Variants in LIPF observed in about 807,000 individuals in gnomAD.
LIPF encodes the protein lipase F, gastric type.
Under a neutral mutation model 38.0 loss-of-function variants are expected in LIPF, and 25 were observed. That is an observed-to-expected ratio of 0.66 (90% confidence interval 0.48 to 0.92). The LOEUF is 0.92. LIPF is among the 40% of genes least tolerant of loss of function. The probability of loss-of-function intolerance (pLI) is 0.00; values close to 1 mark genes in which losing one functional copy is unlikely to be tolerated. For synonymous variants in LIPF, 161 were observed against 156.2 expected (o/e 1.03, Z -0.23); for missense variants, 410 against 469.9 (o/e 0.87, Z 1.18).
In LIPF at chr10:88,671,936, CTT is replaced by C; in HGVS notation, c.641_642del (p.Leu214GlnfsTer14). The C allele has an allele frequency of 6.2e-7, 1 of 1,611,778 alleles. No homozygotes were observed. Among genetic ancestry groups the C allele is most frequent in the African/African-American group, 1.3e-5 (1 of 74,960 alleles). ...GTATACAAAAAGCCTTATAAACAAACTTAGATTTGTTCCTCAATCCCTCTTCA... is the reference window on the plus strand; with the variant it reads ...GTATACAAAAAGCCTTATAAACAAACAGATTTGTTCCTCAATCCCTCTTCA... Reference protein sequence around the residue: ...VKYTKSLINKLRFVPQSLFKF... With the variant: ...VKYTKSLINKXRFVPQSLFKF... On this transcript the variant is annotated frameshift_variant, in exon 6 of 10. Coordinates refer to ENST00000238983, the MANE Select transcript of LIPF (RefSeq NM_004190.4). LOFTEE classifies it high-confidence loss of function.
rs1841684621 is a variant in LIPF at position 88,676,248 on chromosome 10, A to T, written c.928A>T (p.Ser310Cys). ...GAAATTCCAAGCTTATGACTGGGGA[A>T]GCCCAGTTCAGAATAGGATGCACTA... is the stretch of plus-strand genomic sequence containing the variant. Reference protein sequence around the residue: ...SGKFQAYDWGSPVQNRMHYDQ... With the variant: ...SGKFQAYDWGCPVQNRMHYDQ... The change falls in exon 9 of 10, where the codon AGC becomes TGC. Residue 310 changes from serine (S) to cysteine (C), a missense_variant. Coordinates refer to ENST00000238983, the MANE Select transcript of LIPF (RefSeq NM_004190.4). 6.2e-7 allele frequency: 1 copy of T among 1,609,434 alleles called. No homozygotes were observed. Among genetic ancestry groups the T allele is most frequent in the Admixed American group, 1.7e-5 (1 of 59,698 alleles).
chr10:88,668,425 A>G, intron 3 of LIPF, 133 bp from the exon 4 acceptor site: 1 of 775,060 alleles, frequency 1.3e-6, no homozygotes. Context: ...AATTACGATA[A>G]GATATTCAAA....
intron 6 of LIPF, 46 bp downstream of exon 6, chr10:88,672,011 C>A (rs1429248144): frequency 2.6e-6 from 4 of 1,516,340 alleles, no homozygotes; most frequent in East Asian, 2.3e-5. Context: ...CCTTGATTGC[C>A]CATGGATTTT....
rs1841553480 is a variant in LIPF at position 88,668,815 on chromosome 10, C to A, written c.422+59C>A. On this transcript the variant is annotated intron_variant, in intron 4 of 9. Transcript: ENST00000238983. Reference sequence around the variant, plus strand: ...GGCTTTAAAAGCATAGGCATTTGCCCCTTCTAATCCAGTCCCATTTTAACA... The same window carrying A: ...GGCTTTAAAAGCATAGGCATTTGCCACTTCTAATCCAGTCCCATTTTAACA... The A allele has an allele frequency of 7.1e-6, 10 of 1,409,754 alleles. No homozygotes were observed. In the South Asian group the frequency reaches 1.2e-4, roughly 17 times the overall value. 87.3% of individuals were successfully genotyped at this position (1,409,754 alleles called of 1,614,324 possible). A position where few individuals can be genotyped will look rare whatever the true frequency, so the allele number is the denominator to read the frequency against.
Position 88,668,648 on chromosome 10 carries a change from T to C in LIPF, c.314T>C (p.Ile105Thr). The C allele has an allele frequency of 4.3e-6, 7 of 1,614,214 alleles. No homozygotes were observed. Among genetic ancestry groups the C allele is most frequent in the Non-Finnish European group, 5.1e-6 (6 of 1,180,022 alleles). Residue 105 changes from isoleucine to threonine, a missense_variant, in exon 4 of 10, where the codon ATT becomes ACT. Ile to Thr is a moderately conservative substitution (Grantham distance 89). Transcript: ENST00000238983. Reference sequence around the variant, plus strand: ...CTGCCGAACAACAGCCTTGCCTTCATTCTGGCAGATGCTGGTTATGATGTG... The same window carrying C: ...CTGCCGAACAACAGCCTTGCCTTCACTCTGGCAGATGCTGGTTATGATGTG... ...SNLPNNSLAF[I>T]LADAGYDVWL... is the part of the protein sequence containing the mutation.
chr10:88,664,854 T>C (rs1841488258), intron 1 of LIPF, among the ~76,000 whole-genome samples: 1 of 152,268 alleles, frequency 6.6e-6, no homozygotes, highest in African/African-American at 2.4e-5. Flanking sequence ...TAGTGACATA[T>C]AATTGGCTGT....
At position 88,667,663 on chromosome 10, in the gene LIPF, G is replaced by C. The variant is rs779473030; in HGVS notation, c.200G>C (p.Gly67Ala). Residue 67 changes from glycine to alanine, a missense_variant, in exon 3 of 10, where the codon GGG becomes GCG. Physicochemically the swap from Gly to Ala is moderately conservative, Grantham distance 60. Transcript: ENST00000238983. ...YILEVNRIPY[G>A]KKNSGNTGQR... Reference sequence around the variant, plus strand: ...CTTGAAGTCAATAGAATTCCTTATGGGAAGAAAAATTCAGGGAATACAGGT... The same window carrying C: ...CTTGAAGTCAATAGAATTCCTTATGCGAAGAAAAATTCAGGGAATACAGGT... 6.5e-7 allele frequency: 1 copy of C among 1,532,812 alleles called. No individual in the cohort carries two copies. Among genetic ancestry groups the C allele is most frequent in the Non-Finnish European group, 9.0e-7 (1 of 1,108,156 alleles). The allele number at this position is 1,532,812 out of a possible 1,614,324, so 95.0% of individuals were successfully genotyped here. A position where few individuals can be genotyped will look rare whatever the true frequency, so the allele number is the denominator to read the frequency against.
chr10:88,674,058 G>A (rs1166004209), intron 7 of LIPF, among the ~76,000 whole-genome samples: 1 of 152,144 alleles, frequency 6.6e-6, no homozygotes, highest in Admixed American at 6.5e-5. Context: ...GCTCCTTTGT[G>A]AGAAAAATGT....
Position 88,678,626 on chromosome 10 carries a change from C to G in LIPF, c.1142C>G (p.Ala381Gly). The G allele has an allele frequency of 6.2e-7, 1 of 1,613,402 alleles. No individual in the cohort carries two copies. The highest frequency in any genetic ancestry group is 8.5e-7 in the Non-Finnish European group (1 of 1,179,376). Residue 381 changes from alanine (A) to glycine (G), a missense_variant, in exon 10 of 10, where the codon GCC (alanine) becomes GGC (glycine). Transcript: ENST00000238983. Reference sequence around the variant, plus strand: ...TTGGACTTTATCTGGGCAATGGATGCCCCTCAAGAAGTTTACAATGACATT... The same window carrying G: ...TTGGACTTTATCTGGGCAATGGATGGCCCTCAAGAAGTTTACAATGACATT... ...NHLDFIWAMDAPQEVYNDIVS... is the reference protein window; with the variant it reads ...NHLDFIWAMDGPQEVYNDIVS...
intron 9 of LIPF, among the ~76,000 whole-genome samples, chr10:88,677,723 T>C (rs1455319109): frequency 6.6e-6 from 1 of 152,194 alleles, no homozygotes; most frequent in Non-Finnish European, 1.5e-5. Context: ...TCTAACAAAA[T>C]TCTCTCTGGG....
rs765119219 is a variant in LIPF, at chr10:88,667,563, C to T, written c.106-6C>T. On this transcript the variant is annotated splice_region_variant and splice_polypyrimidine_tract_variant and intron_variant, in intron 2 of 9. Transcript: ENST00000238983. ...AAAATTTAAACTTTTGGGTTTGCTT[C>T]CTCAGAGTCAGATGATTACTTATTG... 16 of 1,489,866 alleles carry T rather than the reference C, an allele frequency of 1.1e-5. 1 individual carries two copies. The South Asian group carries it at 1.9e-4, about 18-fold the overall frequency. The allele number at this position is 1,489,866 out of a possible 1,614,324, so 92.3% of individuals were successfully genotyped here. A position where few individuals can be genotyped will look rare whatever the true frequency, so the allele number is the denominator to read the frequency against.
chr10:88,665,630 G>A, intron 1 of LIPF: 2 of 1,127,732 alleles, frequency 1.8e-6, no homozygotes, highest in Non-Finnish European at 2.6e-6. Flanking sequence ...TGAAATGTTT[G>A]ATGAAAGCCT....
At chr10:88,672,670 ACTCTCTCT>A (rs60719768) in intron 6 of LIPF, among the ~76,000 whole-genome samples, 4 of 110,498 alleles carry the variant, frequency 3.6e-5, no homozygotes, top group African/African-American at 1.4e-4. Context: ...ACACACACAC[ACTCTCTCT>A]CTCTCTCTCT....
chr10:88,666,805 A>G (rs1300725497), intron 1 of LIPF, among the ~76,000 whole-genome samples: 1 of 152,254 alleles, frequency 6.6e-6, no homozygotes, highest in Non-Finnish European at 1.5e-5. Context: ...TGGAATAACT[A>G]TTATAAACAA....
Position 88,668,814 on chromosome 10 carries a change from C to T in LIPF, c.422+58C>T, listed in dbSNP as rs1841553454. On this transcript the variant is annotated intron_variant, in intron 4 of 9. Coordinates refer to ENST00000238983, the MANE Select transcript of LIPF (RefSeq NM_004190.4). ...GGGCTTTAAAAGCATAGGCATTTGC[C>T]CCTTCTAATCCAGTCCCATTTTAAC... 7 of 1,408,752 alleles carry T rather than the reference C, an allele frequency of 5.0e-6. No individual in the cohort carries two copies. The Admixed American group carries it at 1.2e-4, about 23-fold the overall frequency. 87.3% of individuals were successfully genotyped at this position (1,408,752 alleles called of 1,614,324 possible). A position where few individuals can be genotyped will look rare whatever the true frequency, so the allele number is the denominator to read the frequency against.
In LIPF at chr10:88,676,206, T is replaced by C. The variant is rs1564961346; in HGVS notation, c.889-3T>C. On this transcript the variant is annotated splice_region_variant and splice_polypyrimidine_tract_variant and intron_variant, in intron 8 of 9. Transcript: ENST00000238983. ...TTGTTTGCTTTTAATTTCTCTATGT[T>C]AGGCTGTTAAGTCTGGGAAATTCCA... The C allele has an allele frequency of 6.3e-7, 1 of 1,582,094 alleles. No homozygotes were observed. The highest frequency in any genetic ancestry group is 1.7e-5 in the Admixed American group (1 of 58,762).
At chr10:88,670,019 T>C in intron 5 of LIPF, 73 bp downstream of exon 5, 1 of 887,500 alleles carries the variant, frequency 1.1e-6, no homozygotes, top group East Asian at 2.4e-5. Context: ...GTAGGCATGT[T>C]AGCAACCACA....
At chr10:88,675,521 C>T in intron 7 of LIPF, 65 bp from the exon 8 acceptor site, 1 of 1,181,122 alleles carries the variant, frequency 8.5e-7, no homozygotes, top group Non-Finnish European at 1.3e-6. Context: ...TAAATCTTTA[C>T]TGTTTTTAAG....
chr10:88,670,928 C>A (rs1841586887), intron 5 of LIPF, among the ~76,000 whole-genome samples: 1 of 151,986 alleles, frequency 6.6e-6, no homozygotes, highest in African/African-American at 2.4e-5. Flanking sequence ...GAAGGGTGTT[C>A]TTGGAAAAAC....
Sources: gnomAD v4.1 joint callset for allele counts (sites outside exome capture counted in the v4.1 genomes callset) on GRCh38, gnomAD v4.1.1 for gene constraint, MANE v1.5 for transcripts, NCBI Gene and HGNC (gene_info 2026-07-23, HGNC 2026-07-21) for gene names.